The following SMC3 variants were observed in gnomAD, a reference collection of about 807,000 sequenced individuals.
The protein encoded by SMC3 is structural maintenance of chromosomes protein 3.
In SMC3, 20 loss-of-function variants were observed where a neutral mutation model predicts 171.8. That is an observed-to-expected ratio of 0.12 (90% confidence interval 0.08 to 0.17). The LOEUF is 0.17. Ranked by LOEUF, SMC3 falls within the 10% of genes least tolerant of loss-of-function variation. The probability of loss-of-function intolerance (pLI) is 1.00; values close to 1 mark genes in which losing one functional copy is unlikely to be tolerated. For missense variants in SMC3, 543 were observed against 1,420.4 expected (o/e 0.38, Z 9.93); for synonymous variants, 464 against 451.1 (o/e 1.03, Z -0.36).
intron 17 of SMC3, among the ~76,000 whole-genome samples, chr10:110,591,590 G>A (rs1201853400): frequency 6.6e-6 from 1 of 152,150 alleles, no homozygotes; most frequent in African/African-American, 2.4e-5. Flanking sequence ...GGCTAGTAAG[G>A]TGATAGACTT....
intron 3 of SMC3, among the ~76,000 whole-genome samples, chr10:110,574,166 G>A (rs757838172): frequency 1.4e-4 from 22 of 152,126 alleles, no homozygotes; most frequent in Non-Finnish European, 2.5e-4. Context: ...TTGGAAAATT[G>A]TTCATCTTTC....
intron 2 of SMC3, among the ~76,000 whole-genome samples, chr10:110,571,559 A>G (rs1049581665): frequency 7.9e-5 from 12 of 152,190 alleles, no homozygotes; most frequent in Admixed American, 6.5e-5. Context: ...GGAAGTAGTC[A>G]GGGAGTTATA....
chr10:110,573,859 A>G, intron 3 of SMC3, 114 bp downstream of exon 3: 1 of 777,486 alleles, frequency 1.3e-6, no homozygotes, highest in African/African-American at 1.7e-5. Context: ...GAAATACTTT[A>G]TATGGGGTTG....
chr10:110,584,556 A>G (rs889854380), intron 13 of SMC3, among the ~76,000 whole-genome samples, 160 bp downstream of exon 13: 4 of 149,426 alleles, frequency 2.7e-5, no homozygotes, highest in Admixed American at 1.4e-4. Flanking sequence ...TAATATACAT[A>G]TAGTTCTTTT....
At chr10:110,576,935 TG>T (rs1211568514) in intron 4 of SMC3, among the ~76,000 whole-genome samples, 1 of 152,162 alleles carries the variant, frequency 6.6e-6, no homozygotes, top group Non-Finnish European at 1.5e-5. Context: ...AACAGACTTT[TG>T]GTAATTATCC....
chr10:110,574,786 G>A (rs533616531), intron 3 of SMC3, among the ~76,000 whole-genome samples: 30 of 152,270 alleles, frequency 2.0e-4, no homozygotes, highest in African/African-American at 7.0e-4. Flanking sequence ...GTCCAGTTAG[G>A]TACTCTATAC....
intron 13 of SMC3, among the ~76,000 whole-genome samples, chr10:110,587,614 A>G (rs1285457787): frequency 1.3e-5 from 2 of 151,256 alleles, no homozygotes; most frequent in African/African-American, 4.9e-5. Flanking sequence ...TGAACCTGGG[A>G]GGCAGAGCTT....
chr10:110,574,948 T>C (rs184773907), intron 3 of SMC3, among the ~76,000 whole-genome samples: 1 of 152,228 alleles, frequency 6.6e-6, no homozygotes, highest in Non-Finnish European at 1.5e-5. Flanking sequence ...CATCCTATTT[T>C]GTTAAAAAGG....
At chr10:110,591,320 A>C (rs911292322) in intron 17 of SMC3, among the ~76,000 whole-genome samples, 188 bp downstream of exon 17, 2 of 152,152 alleles carry the variant, frequency 1.3e-5, no homozygotes, top group Admixed American at 6.5e-5. Context: ...CACAGCTATG[A>C]TTGGTGTGGT....
intron 3 of SMC3, 96 bp from the exon 4 acceptor site, chr10:110,575,236 CTATT>C (rs758696093): frequency 1.2e-6 from 1 of 839,940 alleles, no homozygotes; most frequent in Non-Finnish European, 2.0e-6. Flanking sequence ...TTTGCATTGT[CTATT>C]ACCAGACACA....
intron 5 of SMC3, 81 bp downstream of exon 5, chr10:110,577,573 C>A: frequency 1.0e-6 from 1 of 1,002,726 alleles, no homozygotes; most frequent in Non-Finnish European, 1.5e-6. Context: ...ACTTTTTAAG[C>A]TTTTATAATT....
chr10:110,601,347 T>C (rs1861384228), intron 23 of SMC3, among the ~76,000 whole-genome samples: 1 of 152,216 alleles, frequency 6.6e-6, no homozygotes, highest in Non-Finnish European at 1.5e-5. Flanking sequence ...AAATGATTCA[T>C]TTTGTTGATA....
rs1312514791 is a variant in SMC3, at chr10:110,581,910, C to T, written c.548-13C>T. ...TATTCAATTCTTCCACCTCTCTCCCCATTTCTTTTAAGAGGGCAAACGGGA... is the reference window on the plus strand; with the variant it reads ...TATTCAATTCTTCCACCTCTCTCCCTATTTCTTTTAAGAGGGCAAACGGGA... On this transcript the variant is annotated splice_polypyrimidine_tract_variant and intron_variant, in intron 8 of 28. Transcript: ENST00000361804. 4 of 1,606,512 alleles carry T rather than the reference C, an allele frequency of 2.5e-6. No individual in the cohort carries two copies. Among genetic ancestry groups the T allele is most frequent in the Non-Finnish European group, 3.4e-6 (4 of 1,174,304 alleles).
In SMC3 at chr10:110,602,563, T is replaced by G; in HGVS notation, c.3195T>G (p.Ser1065Arg). The change falls in exon 26 of 29, where the codon AGT (serine) becomes AGG (arginine). Residue 1065 changes from serine (S) to arginine (R), a missense_variant. This residue lies in a region of SMC3 where 34 missense variants were observed against 59.1 expected (regional missense o/e 0.58). Transcript: ENST00000361804. ...TGAAGAAAGGAGATGTGGAGGGCAG[T>G]CAGTCTCAAGATGAAGGAGAAGGGA... Reference protein sequence around the residue: ...LVMKKGDVEGSQSQDEGEGSG... With the variant: ...LVMKKGDVEGRQSQDEGEGSG... The G allele has an allele frequency of 6.2e-7, 1 of 1,613,534 alleles. No homozygotes were observed. Among genetic ancestry groups the G allele is most frequent in the Non-Finnish European group, 8.5e-7 (1 of 1,179,504 alleles).
chr10:110,600,429 T>C lies in SMC3; in HGVS notation c.2428-10T>C. 1 of 1,418,500 alleles carries C rather than the reference T, an allele frequency of 7.0e-7. No individual in the cohort carries two copies. Among genetic ancestry groups the C allele is most frequent in the Non-Finnish European group, 1.0e-6 (1 of 1,001,696 alleles). 87.9% of individuals were successfully genotyped at this position (1,418,500 alleles called of 1,614,324 possible). A position where few individuals can be genotyped will look rare whatever the true frequency, so the allele number is the denominator to read the frequency against. The stretch of plus-strand genomic sequence containing the variant: ...ACATGCTTATATAGACAACTTTTTC[T>C]TAATTCTAGGAAAACAGACAGTTGC... On this transcript the variant is annotated splice_polypyrimidine_tract_variant and intron_variant, in intron 21 of 28. Transcript: ENST00000361804.
intron 22 of SMC3, 116 bp downstream of exon 22, chr10:110,600,662 G>T (rs191790798): frequency 5.8e-5 from 41 of 704,538 alleles, no homozygotes; most frequent in Admixed American, 2.2e-4. Context: ...AGAAAGCTTA[G>T]TGTCTTGTGG....
At position 110,599,807 on chromosome 10, in the gene SMC3, C is replaced by A; in HGVS notation, c.2422C>A (p.Gln808Lys). 1 of 1,614,008 alleles carries A rather than the reference C, an allele frequency of 6.2e-7. No individual in the cohort carries two copies. Among genetic ancestry groups the A allele is most frequent in the South Asian group, 1.1e-5 (1 of 91,080 alleles). ...ACTGAATGATGAGATTCGTCAACTT[C>A]AGCAGGTAAGTAGACAGCTGACTGG... The part of the protein sequence containing the change: ...DALNDEIRQL[Q>K]QENRQLLNER... The change falls in exon 21 of 29, where the codon CAG becomes AAG. Residue 808 changes from glutamine to lysine, a missense_variant. Gln to Lys is a moderately conservative substitution (Grantham distance 53). Coordinates refer to ENST00000361804, the MANE Select transcript of SMC3 (RefSeq NM_005445.4).
intron 2 of SMC3, among the ~76,000 whole-genome samples, chr10:110,572,101 G>A (rs1360485080): frequency 6.6e-6 from 1 of 152,130 alleles, no homozygotes; most frequent in African/African-American, 2.4e-5. Flanking sequence ...ACTGTTCAGA[G>A]ACTACTCATA....
intron 17 of SMC3, among the ~76,000 whole-genome samples, chr10:110,592,149 C>G (rs1861216022): frequency 6.6e-6 from 1 of 151,858 alleles, no homozygotes; most frequent in Non-Finnish European, 1.5e-5. Context: ...CCTGTAATCC[C>G]AGGTACTTGG....
Sources: allele counts gnomAD v4.1 joint callset (sites outside exome capture counted in the v4.1 genomes callset), GRCh38; gene constraint gnomAD v4.1.1; regional missense constraint gnomAD v4.1.1; transcripts MANE v1.5; gene names NCBI Gene and HGNC (gene_info 2026-07-23, HGNC 2026-07-21).